The following GRIA1 variants were observed in gnomAD, a reference collection of about 807,000 sequenced individuals.
GRIA1 encodes the protein glutamate ionotropic receptor AMPA type subunit 1.
Under a neutral mutation model 99.2 loss-of-function variants are expected in GRIA1, and 31 were observed. That is an observed-to-expected ratio of 0.31 (90% confidence interval 0.23 to 0.42). The LOEUF is 0.42. GRIA1 is among the 10% of genes least tolerant of loss of function. The pLI, the probability that GRIA1 is intolerant of heterozygous loss-of-function variation, is 1.00. For synonymous variants in GRIA1, 438 were observed against 432.4 expected, an observed-to-expected ratio of 1.01 and a Z score of -0.16; for missense variants, 782 against 1,157.5, an observed-to-expected ratio of 0.68 and a Z score of 4.71.
At chr5:153,616,959 G>A (rs1766565679) in intron 2 of GRIA1, among the ~76,000 whole-genome samples, 1 of 152,220 alleles carries the variant, frequency 6.6e-6, no homozygotes, top group Admixed American at 6.5e-5. Flanking sequence ...ACTCAGCAGA[G>A]TGTCTGTTCA....
At chr5:153,552,571 T>G (rs1760250016) in intron 2 of GRIA1, among the ~76,000 whole-genome samples, 1 of 151,948 alleles carries the variant, frequency 6.6e-6, no homozygotes. Context: ...TAAATAAGAA[T>G]CTCTGGGGAG....
At chr5:153,647,970 G>T (rs1411703748) in intron 3 of GRIA1, among the ~76,000 whole-genome samples, 1 of 152,100 alleles carries the variant, frequency 6.6e-6, no homozygotes, top group Admixed American at 6.6e-5. Context: ...TGTTTGTCTT[G>T]TACTGTCCTA....
chr5:153,555,832 G>A (rs10515691), intron 2 of GRIA1, among the ~76,000 whole-genome samples: 70,987 of 152,076 alleles, frequency 0.47, 18,303 homozygotes, highest in Non-Finnish European at 0.59. Context: ...TGATCCAACG[G>A]GAAAGAAGCT....
At chr5:153,566,667 C>T (rs986527978) in intron 2 of GRIA1, among the ~76,000 whole-genome samples, 6 of 149,146 alleles carry the variant, frequency 4.0e-5, no homozygotes, top group Non-Finnish European at 8.9e-5. Context: ...AATGTTTTAA[C>T]GTATTCTAGT....
At chr5:153,642,900 G>A (rs899677795) in intron 2 of GRIA1, among the ~76,000 whole-genome samples, 10 of 152,110 alleles carry the variant, frequency 6.6e-5, no homozygotes, top group African/African-American at 9.7e-5. Context: ...TCACATAGCA[G>A]GTTAAAAGTT....
intron 14 of GRIA1, among the ~76,000 whole-genome samples, chr5:153,801,046 G>A (rs932013934): frequency 2.0e-5 from 3 of 152,216 alleles, no homozygotes; most frequent in African/African-American, 7.2e-5. Flanking sequence ...ATAAACAAAG[G>A]TGTTAGAGCT....
chr5:153,715,767 T>C (rs1002006523), intron 11 of GRIA1, among the ~76,000 whole-genome samples: 1 of 152,208 alleles, frequency 6.6e-6, no homozygotes, highest in Non-Finnish European at 1.5e-5. Flanking sequence ...GACTCATTTC[T>C]ACAACTTATT....
At chr5:153,641,176 A>G (rs1343553050) in intron 2 of GRIA1, among the ~76,000 whole-genome samples, 2 of 152,146 alleles carry the variant, frequency 1.3e-5, no homozygotes, top group African/African-American at 4.8e-5. Flanking sequence ...TCCCTCCCCT[A>G]AAATGAAGCT....
intron 14 of GRIA1, 136 bp from the exon 15 acceptor site, chr5:153,802,220 T>C: frequency 1.5e-6 from 1 of 678,226 alleles, no homozygotes; most frequent in South Asian, 1.8e-5. Context: ...AAATAGCCTA[T>C]CCAGCTATTG....
At chr5:153,647,347 T>C (rs1433043551) in intron 3 of GRIA1, among the ~76,000 whole-genome samples, 180 bp downstream of exon 3, 2 of 152,186 alleles carry the variant, frequency 1.3e-5, no homozygotes, top group Non-Finnish European at 2.9e-5. Flanking sequence ...TGGAAACGCA[T>C]TCTGAGAATA....
At chr5:153,491,773 C>T (rs1038812058) in intron 1 of GRIA1, among the ~76,000 whole-genome samples, 1 of 152,212 alleles carries the variant, frequency 6.6e-6, no homozygotes, top group Non-Finnish European at 1.5e-5. Flanking sequence ...TGGGCTCCAT[C>T]CTCTCAACTT....
intron 2 of GRIA1, among the ~76,000 whole-genome samples, chr5:153,544,718 G>T (rs1461953325): frequency 6.6e-6 from 1 of 152,114 alleles, no homozygotes; most frequent in Admixed American, 6.5e-5. Context: ...GCCAAGGTCA[G>T]GGAAAAGCCG....
intron 13 of GRIA1, among the ~76,000 whole-genome samples, chr5:153,785,909 A>C (rs1764937556): frequency 6.6e-6 from 1 of 152,158 alleles, no homozygotes; most frequent in South Asian, 2.1e-4. Context: ...CCCTGATCTA[A>C]TTCTGCCCTC....
At chr5:153,535,212 G>A (rs1306244729) in intron 2 of GRIA1, among the ~76,000 whole-genome samples, 5 of 152,122 alleles carry the variant, frequency 3.3e-5, no homozygotes, top group Admixed American at 6.5e-5. Context: ...ATGAGCCACC[G>A]CACCCAGCCC....
chr5:153,735,878 A>C (rs1761344476), intron 11 of GRIA1, among the ~76,000 whole-genome samples: 1 of 152,224 alleles, frequency 6.6e-6, no homozygotes, highest in Admixed American at 6.5e-5. Context: ...GTGGAGTGAC[A>C]GGTGTATGGA....
chr5:153,612,085 A>G (rs532133316), intron 2 of GRIA1, among the ~76,000 whole-genome samples: 4 of 152,348 alleles, frequency 2.6e-5, no homozygotes, highest in South Asian at 2.1e-4. Context: ...GGGAAATGTG[A>G]GTCCTTGACC....
At chr5:153,600,315 C>A (rs1451213014) in intron 2 of GRIA1, among the ~76,000 whole-genome samples, 1 of 144,776 alleles carries the variant, frequency 6.9e-6, no homozygotes. Flanking sequence ...TGGCGTGAAC[C>A]CAGGAGGCGG....
chr5:153,780,854 A>G (rs1289439387), intron 13 of GRIA1, among the ~76,000 whole-genome samples: 2 of 152,170 alleles, frequency 1.3e-5, no homozygotes, highest in East Asian at 3.9e-4. Context: ...TCTCTGGGCT[A>G]CACCACACTA....
At chr5:153,568,741 T>C (rs1761869729) in intron 2 of GRIA1, among the ~76,000 whole-genome samples, 1 of 152,164 alleles carries the variant, frequency 6.6e-6, no homozygotes, top group South Asian at 2.1e-4. Flanking sequence ...AATTTATGCC[T>C]TCCTCCCTTC....
Sources: allele counts gnomAD v4.1 joint callset (sites outside exome capture counted in the v4.1 genomes callset), GRCh38; gene constraint gnomAD v4.1.1; transcripts MANE v1.5; gene names NCBI Gene and HGNC (gene_info 2026-07-23, HGNC 2026-07-21).